The following HYDIN variants were observed in gnomAD, a reference collection of about 807,000 sequenced individuals.
The protein encoded by HYDIN is axonemal central pair apparatus protein HYDIN.
In HYDIN, 132 loss-of-function variants were observed where a neutral mutation model predicts 403.9. The ratio of observed to expected loss-of-function variants is 0.33; its 90% CI spans 0.28 to 0.38. The LOEUF is 0.38. Among genes scored for constraint, HYDIN ranks in the 10% least tolerant of loss-of-function variants. The pLI is 1.00. For missense variants in HYDIN, 2,827 were observed against 5,009.5 expected, an observed-to-expected ratio of 0.56 and a Z score of 13.15; for synonymous variants, 1,202 against 1,891.7, an observed-to-expected ratio of 0.64 and a Z score of 9.46.
At chr16:70,908,900 T>A (rs752516477) in intron 47 of HYDIN, 39 bp from the exon 48 acceptor site, 17 of 1,606,494 alleles carry the variant, frequency 1.1e-5, no homozygotes, top group Non-Finnish European at 1.4e-5. Flanking sequence ...AATATTCACT[T>A]TTTGTACACA....
intron 17 of HYDIN, among the ~76,000 whole-genome samples, chr16:71,061,945 G>T (rs1319911569): frequency 6.6e-6 from 1 of 151,476 alleles, no homozygotes; most frequent in African/African-American, 2.4e-5. Context: ...TAGGTTTAAG[G>T]ATGATTGCTA....
At chr16:70,842,896 C>T (rs1452929370) in intron 75 of HYDIN, among the ~76,000 whole-genome samples, 1 of 151,544 alleles carries the variant, frequency 6.6e-6, no homozygotes, top group Non-Finnish European at 1.5e-5. Flanking sequence ...AATTCCCTTG[C>T]CATTTGTTTT....
At chr16:71,145,318 G>A (rs1597879921) in intron 7 of HYDIN, among the ~76,000 whole-genome samples, 1 of 151,348 alleles carries the variant, frequency 6.6e-6, no homozygotes, top group Non-Finnish European at 1.5e-5. Context: ...GTAGTGGCAC[G>A]ATCTTGCCTC....
chr16:71,133,811 C>T (rs1989995), intron 8 of HYDIN, among the ~76,000 whole-genome samples: 62,262 of 147,292 alleles, frequency 0.42, 15,337 homozygotes, highest in African/African-American at 0.66. Flanking sequence ...CAGCCTCCAT[C>T]TCTGAAGAGA....
rs567232853 is a variant in HYDIN at position 70,900,998 on chromosome 16, C to G, written c.9048+6G>C. 4 of 500,086 alleles carry G rather than the reference C, an allele frequency of 8.0e-6. No individual in the cohort carries two copies. The highest frequency in any genetic ancestry group is 1.4e-5 in the Non-Finnish European group (4 of 276,870). 31.0% of individuals were successfully genotyped at this position (500,086 alleles called of 1,614,324 possible). ...TAACCAAGTCTGTGGATGTGTGAAG[C>G]CTCACCTCCAACCGAATAGCCTTCT... On this transcript the variant is annotated splice_donor_region_variant and intron_variant, in intron 53 of 85. Coordinates refer to ENST00000393567, the MANE Select transcript of HYDIN (RefSeq NM_001270974.2).
intron 7 of HYDIN, among the ~76,000 whole-genome samples, chr16:71,141,802 A>G (rs1342521626): frequency 6.6e-6 from 1 of 152,184 alleles, no homozygotes. Flanking sequence ...CAGCAATTGC[A>G]CTTGTAGGTA....
chr16:71,175,390 A>G (rs895748198), intron 5 of HYDIN, among the ~76,000 whole-genome samples: 14 of 151,816 alleles, frequency 9.2e-5, no homozygotes, highest in African/African-American at 2.7e-4. Context: ...ACCACCATCT[A>G]TACTACCAAC....
chr16:71,042,703 T>A (rs571202725), intron 18 of HYDIN, among the ~76,000 whole-genome samples: 9 of 152,306 alleles, frequency 5.9e-5, no homozygotes, highest in African/African-American at 2.2e-4. Flanking sequence ...TCCAAACTCA[T>A]CCCCAAACTC....
chr16:71,015,125 CG>C (rs2080215178), intron 23 of HYDIN, among the ~76,000 whole-genome samples: 2 of 148,196 alleles, frequency 1.3e-5, no homozygotes, highest in African/African-American at 5.0e-5. Flanking sequence ...ACAAGGGTCA[CG>C]TCTTGTTCAC....
intron 1 of HYDIN, among the ~76,000 whole-genome samples, chr16:71,196,686 C>T (rs373546864): frequency 1.3e-5 from 2 of 152,246 alleles, no homozygotes; most frequent in African/African-American, 4.8e-5. Context: ...GATAGAAGGT[C>T]AGCACAAGAT....
chr16:71,119,880 A>T (rs1338385319), intron 9 of HYDIN, among the ~76,000 whole-genome samples: 1 of 151,722 alleles, frequency 6.6e-6, no homozygotes, highest in East Asian at 2.0e-4. Flanking sequence ...TCTTTGAAAG[A>T]TTTCATATGA....
intron 81 of HYDIN, among the ~76,000 whole-genome samples, chr16:70,829,369 G>C (rs1258709274): frequency 6.7e-6 from 1 of 149,216 alleles, no homozygotes. Flanking sequence ...AAGTAGCTGG[G>C]ATTACAGGTG....
At chr16:70,978,561 CA>C (rs1255156947) in intron 30 of HYDIN, among the ~76,000 whole-genome samples, 4 of 152,138 alleles carry the variant, frequency 2.6e-5, no homozygotes, top group African/African-American at 9.7e-5. Flanking sequence ...CCTGTCCCCT[CA>C]AAGCTCCACA....
At chr16:70,896,416 A>C (rs181375783) in intron 53 of HYDIN, among the ~76,000 whole-genome samples, 67 of 152,172 alleles carry the variant, frequency 4.4e-4, no homozygotes, top group Non-Finnish European at 8.2e-4. Context: ...GCAGTGGCGC[A>C]ATCTCGGCTC....
At chr16:70,958,331 A>T (rs2078305655) in intron 39 of HYDIN, among the ~76,000 whole-genome samples, 1 of 152,214 alleles carries the variant, frequency 6.6e-6, no homozygotes, top group Non-Finnish European at 1.5e-5. Context: ...GTAAGGTTCC[A>T]TAAAAATGTC....
intron 10 of HYDIN, among the ~76,000 whole-genome samples, chr16:71,112,866 G>C (rs1390984734): frequency 2.6e-5 from 4 of 151,868 alleles, no homozygotes; most frequent in Admixed American, 2.6e-4. Context: ...AAAGTTGATG[G>C]AACAAAAAAT....
At chr16:70,905,331 G>A (rs964396505) in intron 50 of HYDIN, among the ~76,000 whole-genome samples, 26 of 152,024 alleles carry the variant, frequency 1.7e-4, no homozygotes, top group African/African-American at 6.3e-4. Flanking sequence ...GGACACTGAG[G>A]CTCAGCACGG....
At chr16:71,004,979 G>A (rs1240775106) in intron 23 of HYDIN, among the ~76,000 whole-genome samples, 1 of 152,120 alleles carries the variant, frequency 6.6e-6, no homozygotes. Flanking sequence ...TTTTATCTAA[G>A]GCTATTCAGA....
rs780489011 is a variant in HYDIN at position 70,833,022 on chromosome 16, G to C, written c.13725C>G (p.Ser4575Arg). ...IKKFEPHFSI[S>R]PEEGYITSGM... ...CTGAGGTAATATAGCCTTCTTCTGGGCTAATGGAGAAATGAGGCTCAAATT... is the reference window on the plus strand; with the variant it reads ...CTGAGGTAATATAGCCTTCTTCTGGCCTAATGGAGAAATGAGGCTCAAATT... The change falls in exon 80 of 86, where the codon AGC (serine) becomes AGG (arginine). Residue 4575 changes from serine to arginine, a missense_variant. Transcript: ENST00000393567. 1.9e-6 allele frequency: 3 copies of C among 1,613,922 alleles called. No homozygotes were observed. The highest frequency in any genetic ancestry group is 2.5e-6 in the Non-Finnish European group (3 of 1,179,930).
Sources: allele counts gnomAD v4.1 joint callset (sites outside exome capture counted in the v4.1 genomes callset), GRCh38; gene constraint gnomAD v4.1.1; transcripts MANE v1.5; gene names NCBI Gene and HGNC (gene_info 2026-07-23, HGNC 2026-07-21).